Variants in SMAD2 observed in about 807,000 individuals in gnomAD.
The protein encoded by SMAD2 is MAD homolog 2.
A neutral mutation model predicts 64.4 loss-of-function variants in SMAD2; 8 were observed. The observed-to-expected ratio is 0.12, with a 90% CI of 0.07 to 0.22. The LOEUF (loss-of-function observed/expected upper bound fraction) is 0.22. Ranked by LOEUF, SMAD2 falls within the 10% of genes least tolerant of loss-of-function variation. SMAD2 has a pLI of 1.00. For missense variants in SMAD2, 289 were observed against 561.2 expected (o/e 0.51, Z 4.90); for synonymous variants, 203 against 195.8 (o/e 1.04, Z -0.31).
intron 6 of SMAD2, among the ~76,000 whole-genome samples, chr18:47,856,122 G>A: frequency 6.8e-6 from 1 of 146,970 alleles, no homozygotes; most frequent in Non-Finnish European, 1.5e-5. Flanking sequence ...AAGACACATG[G>A]CATAATCTCA....
In SMAD2 at chr18:47,833,207, G is replaced by A. The variant is rs1913085248; in HGVS notation, c.*8620C>T. 1 of 209,988 alleles carries A rather than the reference G, an allele frequency of 4.8e-6. No individual in the cohort carries two copies. The highest frequency in any genetic ancestry group is 7.1e-5 in the East Asian group (1 of 14,022). The allele number at this position is 209,988 out of a possible 1,614,324, so 13.0% of individuals were successfully genotyped here. ...AGAGCAAACAAGGTAAAAAGTGAAA[G>A]CACATACAGATGATGCACACAAATA... On this transcript the variant is annotated 3_prime_UTR_variant, in exon 11 of 11. Coordinates refer to ENST00000262160, the MANE Select transcript of SMAD2 (RefSeq NM_005901.6).
intron 1 of SMAD2, among the ~76,000 whole-genome samples, chr18:47,915,952 AT>A (rs1242800077): frequency 6.6e-6 from 1 of 152,044 alleles, no homozygotes; most frequent in African/African-American, 2.4e-5. Flanking sequence ...TCTTGTATTC[AT>A]TTCCTAAGAA....
intron 1 of SMAD2, among the ~76,000 whole-genome samples, chr18:47,928,700 A>G (rs1346072384): frequency 6.6e-6 from 1 of 152,242 alleles, no homozygotes; most frequent in Non-Finnish European, 1.5e-5. Context: ...ACAACCTTGA[A>G]AACCCAAACT....
At chr18:47,877,035 C>G (rs1441228413) in intron 2 of SMAD2, among the ~76,000 whole-genome samples, 1 of 152,042 alleles carries the variant, frequency 6.6e-6, no homozygotes, top group Non-Finnish European at 1.5e-5. Flanking sequence ...CCCTTTAAAC[C>G]AGTTTTACTG....
intron 7 of SMAD2, among the ~76,000 whole-genome samples, chr18:47,850,449 TATTATATATTATAC>T (rs1338708959): frequency 4.1e-5 from 1 of 24,506 alleles, no homozygotes; most frequent in Non-Finnish European, 6.5e-5. Flanking sequence ...GTATAATATA[TATTATATATTATAC>T]ATAATATATA....
At chr18:47,861,135 C>G (rs1264743957) in intron 6 of SMAD2, among the ~76,000 whole-genome samples, 1 of 152,090 alleles carries the variant, frequency 6.6e-6, no homozygotes, top group African/African-American at 2.4e-5. Context: ...GCGGGTGGAT[C>G]ACCTGAGGTT....
rs74430094 is a variant in SMAD2 at position 47,869,757 on chromosome 18, T to C, written c.327-321A>G. Among the ~76,000 whole-genome samples, 524 of 152,316 alleles carry C rather than the reference T, an allele frequency of 3.4e-3. 8 individuals carry two copies. The East Asian group carries it at 0.061, about 18-fold the overall frequency. ...ACTTGAAAAACTTTGTCAACTTCTA[T>C]GTTTAGTAAATCAAACTCATTTTAG... On this transcript the variant is annotated intron_variant, in intron 3 of 10. Transcript: ENST00000262160.
intron 2 of SMAD2, among the ~76,000 whole-genome samples, chr18:47,892,304 A>G (rs565358934): frequency 6.6e-6 from 1 of 151,940 alleles, no homozygotes; most frequent in East Asian, 1.9e-4. Flanking sequence ...GGTTCAAGCA[A>G]TTCTCCTGCC....
chr18:47,848,403 TG>T, intron 8 of SMAD2, 71 bp downstream of exon 8: 2 of 1,159,734 alleles, frequency 1.7e-6, no homozygotes, highest in Non-Finnish European at 1.3e-6. Flanking sequence ...GCTCTTGATG[TG>T]GCACACCATG....
In SMAD2 at chr18:47,827,297, G is replaced by C. The variant is rs865845190; in HGVS notation, c.*14530C>G. ...GCTATTCCCAGTCAAGAAATACCCA[G>C]ACAACTAAAGAGACTAAAATCATGT... On this transcript the variant is annotated 3_prime_UTR_variant, in exon 11 of 11. Transcript: ENST00000262160. 2.3e-4 allele frequency: 35 copies of C among 151,942 alleles called. No homozygotes were observed. Among genetic ancestry groups the C allele is most frequent in the African/African-American group, 8.5e-4 (35 of 41,324 alleles). The allele number at this position is 151,942 out of a possible 1,614,324, so 9.4% of individuals were successfully genotyped here. A position where few individuals can be genotyped will look rare whatever the true frequency, so the allele number is the denominator to read the frequency against.
chr18:47,849,735 C>T (rs368085947), intron 7 of SMAD2, among the ~76,000 whole-genome samples: 3 of 151,986 alleles, frequency 2.0e-5, no homozygotes, highest in South Asian at 2.1e-4. Flanking sequence ...GGGCCCAGCA[C>T]GATGGCTCAC....
At chr18:47,889,531 G>A (rs564791326) in intron 2 of SMAD2, among the ~76,000 whole-genome samples, 1 of 152,248 alleles carries the variant, frequency 6.6e-6, no homozygotes, top group Non-Finnish European at 1.5e-5. Flanking sequence ...CAGCACTTTG[G>A]GAGGCCGAGG....
chr18:47,835,370 T>C lies in SMAD2; in HGVS notation c.*6457A>G, dbSNP rs1913320985. On this transcript the variant is annotated 3_prime_UTR_variant, in exon 11 of 11. Coordinates refer to ENST00000262160, the MANE Select transcript of SMAD2 (RefSeq NM_005901.6). The stretch of plus-strand genomic sequence containing the variant: ...TGTGTATATTAGTTATATAAAGCAA[T>C]GGATTTCCACATTCTTAAAGCAGGA... 4.9e-6 allele frequency: 1 copy of C among 204,174 alleles called. No homozygotes were observed. Among genetic ancestry groups the C allele is most frequent in the Non-Finnish European group, 1.0e-5 (1 of 99,566 alleles). 12.6% of individuals were successfully genotyped at this position (204,174 alleles called of 1,614,324 possible). A position where few individuals can be genotyped will look rare whatever the true frequency, so the allele number is the denominator to read the frequency against.
chr18:47,900,305 C>T (rs1953424354), intron 1 of SMAD2, among the ~76,000 whole-genome samples: 1 of 152,128 alleles, frequency 6.6e-6, no homozygotes, highest in Admixed American at 6.5e-5. Flanking sequence ...ATTTCAAGTA[C>T]TCAATAGCTA....
rs754238276 is a variant in SMAD2, at chr18:47,869,440, T to C, written c.327-4A>G. On this transcript the variant is annotated splice_polypyrimidine_tract_variant and splice_region_variant and intron_variant, in intron 3 of 10. Transcript: ENST00000262160. ...CTGGAGACGACCATCAAGAGACCTGTTGGGAAGCAAGGGGAAAAGAAAGGA... is the reference window on the plus strand; with the variant it reads ...CTGGAGACGACCATCAAGAGACCTGCTGGGAAGCAAGGGGAAAAGAAAGGA... The C allele has an allele frequency of 1.2e-6, 2 of 1,602,352 alleles. No individual in the cohort carries two copies. The highest frequency in any genetic ancestry group is 2.8e-5 in the African/African-American group (2 of 72,436).
chr18:47,903,988 G>C (rs539826153), intron 1 of SMAD2, among the ~76,000 whole-genome samples: 4 of 150,906 alleles, frequency 2.7e-5, no homozygotes, highest in African/African-American at 9.8e-5. Context: ...AAGAGATAAT[G>C]GCCATAAACT....
chr18:47,926,944 T>C (rs1017096438), intron 1 of SMAD2, among the ~76,000 whole-genome samples: 3 of 152,138 alleles, frequency 2.0e-5, no homozygotes, highest in African/African-American at 7.2e-5. Flanking sequence ...GGGCCTGGGG[T>C]TGGTAGTAAA....
intron 8 of SMAD2, among the ~76,000 whole-genome samples, chr18:47,846,307 G>A (rs1914483184): frequency 1.3e-5 from 2 of 152,004 alleles, no homozygotes; most frequent in African/African-American, 2.4e-5. Context: ...AAATTCTACT[G>A]GGAGATTTTT....
chr18:47,880,712 T>C (rs1436512904), intron 2 of SMAD2, among the ~76,000 whole-genome samples: 5 of 152,216 alleles, frequency 3.3e-5, no homozygotes, highest in African/African-American at 1.2e-4. Context: ...ATGCTAGACA[T>C]TGTGAATTTT....
Sources: gnomAD v4.1 joint callset for allele counts (sites outside exome capture counted in the v4.1 genomes callset) on GRCh38, gnomAD v4.1.1 for gene constraint, MANE v1.5 for transcripts, NCBI Gene and HGNC (gene_info 2026-07-23, HGNC 2026-07-21) for gene names.